Variants in CSMD3 observed in about 807,000 individuals in gnomAD.
The protein encoded by CSMD3 is CUB and sushi domain-containing protein 3.
In CSMD3, 177 loss-of-function variants were observed where a neutral mutation model predicts 435.2. That is an observed-to-expected ratio of 0.41 (90% confidence interval 0.36 to 0.46). The LOEUF is 0.46. Ranked by LOEUF, CSMD3 falls within the 20% of genes least tolerant of loss-of-function variation. The pLI is 0.34. For missense variants in CSMD3, 4,265 were observed against 4,504.6 expected (o/e 0.95, Z 1.52); for synonymous variants, 1,656 against 1,520.5 (o/e 1.09, Z -2.07).
chr8:113,144,042 T>A (rs2091613263), intron 4 of CSMD3, among the ~76,000 whole-genome samples: 1 of 151,080 alleles, frequency 6.6e-6, no homozygotes, highest in Non-Finnish European at 1.5e-5. Flanking sequence ...AAATAAAATG[T>A]GATAATTATT....
chr8:112,903,522 T>C (rs112359417), intron 10 of CSMD3, among the ~76,000 whole-genome samples: 5,659 of 151,278 alleles, frequency 0.037, 159 homozygotes, highest in Middle Eastern at 0.051. Context: ...GGGATAGAGG[T>C]TACCATAAGA....
intron 53 of CSMD3, among the ~76,000 whole-genome samples, chr8:112,298,066 C>CAAAAAAAAAAAAAAAAAAA (rs35232021): frequency 1.1e-5 from 1 of 93,584 alleles, no homozygotes; most frequent in African/African-American, 3.4e-5. Context: ...TGCCATTGCA[C>CAAAAAAAAAAAAAAAAAAA]AAAAAAAAAA....
intron 68 of CSMD3, among the ~76,000 whole-genome samples, chr8:112,233,097 A>G (rs1218856722): frequency 6.6e-6 from 1 of 152,208 alleles, no homozygotes; most frequent in Admixed American, 6.5e-5. Context: ...CTTTATATGC[A>G]TAATGTAATT....
At chr8:112,547,985 G>A (rs1827337112) in intron 27 of CSMD3, among the ~76,000 whole-genome samples, 3 of 152,128 alleles carry the variant, frequency 2.0e-5, no homozygotes, top group Admixed American at 1.3e-4. Flanking sequence ...AATAATTTAG[G>A]TAAAGCACTG....
intron 10 of CSMD3, among the ~76,000 whole-genome samples, chr8:112,888,148 T>G (rs1328313455): frequency 6.6e-6 from 1 of 151,692 alleles, no homozygotes; most frequent in African/African-American, 2.4e-5. Context: ...TCCTTGAGGT[T>G]TAGGGAAATA....
intron 13 of CSMD3, among the ~76,000 whole-genome samples, chr8:112,747,936 C>G (rs943805886): frequency 1.4e-5 from 2 of 140,472 alleles, no homozygotes; most frequent in African/African-American, 5.4e-5. Context: ...GCACTCCCGC[C>G]TGGGCGACAG....
intron 3 of CSMD3, among the ~76,000 whole-genome samples, chr8:113,177,703 G>C (rs1343043035): frequency 6.6e-6 from 1 of 151,902 alleles, no homozygotes; most frequent in Non-Finnish European, 1.5e-5. Context: ...GAAAATGTCA[G>C]AGACTCTTTA....
chr8:113,339,150 ACTTT>A (rs1158734717), intron 1 of CSMD3, among the ~76,000 whole-genome samples: 2 of 151,838 alleles, frequency 1.3e-5, no homozygotes, highest in African/African-American at 4.8e-5. Flanking sequence ...CATGTTAACA[ACTTT>A]CTTTCAACAA....
At position 113,317,743 on chromosome 8, in the gene CSMD3, C is replaced by T. The variant is rs80065940; in HGVS notation, c.179-2950G>A. Among the ~76,000 whole-genome samples, 1,476 of 152,126 alleles carry T rather than the reference C, an allele frequency of 9.7e-3. 22 individuals carry two copies. The highest frequency in any genetic ancestry group is 0.031 in the African/African-American group (1,298 of 41,504). Reference sequence around the variant, plus strand: ...TCACAGGGTTGGTCATTTTTAATAGCGCAGTGTTTTTCTTACTAGGCCTTT... The same window carrying T: ...TCACAGGGTTGGTCATTTTTAATAGTGCAGTGTTTTTCTTACTAGGCCTTT... On this transcript the variant is annotated intron_variant, in intron 1 of 70. Coordinates refer to ENST00000297405, the MANE Select transcript of CSMD3 (RefSeq NM_198123.2).
intron 10 of CSMD3, among the ~76,000 whole-genome samples, chr8:112,895,143 A>T (rs1376063012): frequency 1.3e-5 from 2 of 151,414 alleles, no homozygotes. Flanking sequence ...ATAACAGTCA[A>T]CAAAACTCAT....
intron 3 of CSMD3, among the ~76,000 whole-genome samples, chr8:113,198,630 CTTAG>C (rs2092685857): frequency 6.6e-6 from 1 of 150,752 alleles, no homozygotes; most frequent in Admixed American, 6.6e-5. Flanking sequence ...TACATTTTAA[CTTAG>C]TATTAAAATT....
intron 5 of CSMD3, among the ~76,000 whole-genome samples, chr8:113,043,567 C>G (rs2087711814): frequency 6.6e-6 from 1 of 151,474 alleles, no homozygotes; most frequent in Non-Finnish European, 1.5e-5. Context: ...CCTATTTCAT[C>G]CACACTGTTT....
At chr8:112,525,811 C>CATAT (rs1343079510) in intron 27 of CSMD3, among the ~76,000 whole-genome samples, 1 of 113,198 alleles carries the variant, frequency 8.8e-6, no homozygotes, top group Non-Finnish European at 1.8e-5. Flanking sequence ...TATATATATA[C>CATAT]ACACACATAT....
At chr8:112,397,125 C>A (rs536176556) in intron 35 of CSMD3, among the ~76,000 whole-genome samples, 3 of 152,204 alleles carry the variant, frequency 2.0e-5, no homozygotes, top group Non-Finnish European at 1.5e-5. Flanking sequence ...AAGACATGAC[C>A]ATTTTTATTC....
chr8:113,283,219 C>G (rs934921263), intron 2 of CSMD3, among the ~76,000 whole-genome samples: 4 of 151,952 alleles, frequency 2.6e-5, no homozygotes, highest in African/African-American at 9.7e-5. Context: ...GCAATAAAAA[C>G]AAATATAAAT....
At chr8:113,201,146 T>C (rs1393718395) in intron 3 of CSMD3, among the ~76,000 whole-genome samples, 2 of 151,940 alleles carry the variant, frequency 1.3e-5, no homozygotes, top group Admixed American at 1.3e-4. Flanking sequence ...TCTTTTCCTA[T>C]GGTCATAGCT....
chr8:113,260,144 C>T lies in CSMD3; in HGVS notation c.514+18448G>A, dbSNP rs188770262. The stretch of plus-strand genomic sequence containing the variant: ...ACTGTGAGTCAACTAAACCTCTTTC[C>T]TTTATAAGTTACCCAGTCTCAGGTA... On this transcript the variant is annotated intron_variant, in intron 3 of 70. Transcript: ENST00000297405. Among the ~76,000 whole-genome samples, 511 of 152,216 alleles carry T rather than the reference C, an allele frequency of 3.4e-3. 8 individuals carry two copies. The highest frequency in any genetic ancestry group is 5.0e-3 in the Admixed American group (77 of 15,274).
intron 3 of CSMD3, among the ~76,000 whole-genome samples, chr8:113,205,590 G>A (rs2092761958): frequency 6.6e-6 from 1 of 152,068 alleles, no homozygotes; most frequent in South Asian, 2.1e-4. Flanking sequence ...AATTTCTTGG[G>A]ACATATTCCC....
At chr8:113,214,948 CATG>C (rs1368089697) in intron 3 of CSMD3, among the ~76,000 whole-genome samples, 1 of 151,666 alleles carries the variant, frequency 6.6e-6, no homozygotes, top group Non-Finnish European at 1.5e-5. Context: ...GTGATATCAA[CATG>C]ATATGAAACT....
Sources: allele counts gnomAD v4.1 joint callset (sites outside exome capture counted in the v4.1 genomes callset), GRCh38; gene constraint gnomAD v4.1.1; transcripts MANE v1.5; gene names NCBI Gene and HGNC (gene_info 2026-07-23, HGNC 2026-07-21).